ASTN2: variants seen among roughly 807,000 people sequenced by gnomAD.
ASTN2 encodes the protein astrotactin-2.
In ASTN2, 54 loss-of-function variants were observed where a neutral mutation model predicts 139.8. The observed-to-expected ratio is 0.39, with a 90% CI of 0.31 to 0.48. The LOEUF is 0.48. Ranked by LOEUF, ASTN2 falls within the 20% of genes least tolerant of loss-of-function variation. ASTN2 has a pLI of 0.95. For synonymous variants in ASTN2, 756 were observed against 719.5 expected (o/e 1.05, Z -0.81); for missense variants, 1,565 against 1,725.1 (o/e 0.91, Z 1.64).
chr9:117,375,176 C>A (rs181946108), intron 1 of ASTN2, among the ~76,000 whole-genome samples: 1 of 152,348 alleles, frequency 6.6e-6, no homozygotes, highest in African/African-American at 2.4e-5. Flanking sequence ...GGGAAGAGTC[C>A]TTGGCCTGCC....
chr9:116,456,718 C>T (rs532705780), intron 20 of ASTN2, among the ~76,000 whole-genome samples: 4 of 152,160 alleles, frequency 2.6e-5, no homozygotes, highest in African/African-American at 9.7e-5. Context: ...GAGAACAGCA[C>T]ACGAAAGAAT....
intron 19 of ASTN2, among the ~76,000 whole-genome samples, chr9:116,504,106 A>G (rs992925252): frequency 5.3e-5 from 8 of 152,236 alleles, no homozygotes; most frequent in Admixed American, 5.2e-4. Flanking sequence ...CTGCTAGCCT[A>G]TAGGGTGCCT....
At chr9:116,998,563 A>ATCCATCCATCCG (rs1387676301) in intron 7 of ASTN2, among the ~76,000 whole-genome samples, 3 of 151,988 alleles carry the variant, frequency 2.0e-5, no homozygotes, top group Admixed American at 2.0e-4. Context: ...CCATCCATCC[A>ATCCATCCATCCG]TCCATCCATA....
intron 5 of ASTN2, among the ~76,000 whole-genome samples, chr9:117,045,971 TGTATGTATGTACGTACGTAC>T (rs1308782146): frequency 3.3e-4 from 36 of 110,622 alleles, no homozygotes; most frequent in African/African-American, 1.1e-3. Flanking sequence ...TATGTATGTA[TGTATGTATGTACGTACGTAC>T]GTATGTATGT....
rs1180939705 is a variant in ASTN2 at position 116,698,926 on chromosome 9, T to TA, written c.2806+26844dup. The TA allele has an allele frequency of 3.1e-6, 5 of 1,614,106 alleles. No individual in the cohort carries two copies. Among genetic ancestry groups the TA allele is most frequent in the Non-Finnish European group, 4.2e-6 (5 of 1,180,050 alleles). The stretch of plus-strand genomic sequence containing the variant: ...GTCGCTGACCGTGGTAACTATCGTA[T>TA]ACAAGTCTTTACCCGCAAAGGCTTT... On this transcript the variant is annotated intron_variant, in intron 16 of 22. Transcript: ENST00000313400. This position sits in a 1 kb window ranked among gnomAD's most constrained non-coding sequence, Gnocchi z 4.4.
chr9:116,693,589 G>A (rs1029102465), intron 16 of ASTN2, among the ~76,000 whole-genome samples: 2 of 151,836 alleles, frequency 1.3e-5, no homozygotes, highest in African/African-American at 2.4e-5. Flanking sequence ...GTGGGAAGAT[G>A]GTAGGCTGAT....
chr9:116,649,789 GC>G (rs1475890545), intron 17 of ASTN2, among the ~76,000 whole-genome samples: 2 of 152,014 alleles, frequency 1.3e-5, no homozygotes, highest in Non-Finnish European at 2.9e-5. Context: ...AATCCCATCA[GC>G]CTCCTGCCAA....
At chr9:117,038,692 T>A (rs1001084428) in intron 6 of ASTN2, among the ~76,000 whole-genome samples, 6 of 152,214 alleles carry the variant, frequency 3.9e-5, no homozygotes, top group Non-Finnish European at 8.8e-5. Flanking sequence ...GTATGCCTTC[T>A]TTATTATAAT....
At chr9:116,946,166 C>T (rs569938965) in intron 10 of ASTN2, among the ~76,000 whole-genome samples, 11 of 152,316 alleles carry the variant, frequency 7.2e-5, no homozygotes, top group Non-Finnish European at 1.2e-4. Context: ...TTGGGGATTA[C>T]AATTTGAGAT....
At chr9:116,687,835 T>C (rs1216254905) in intron 16 of ASTN2, among the ~76,000 whole-genome samples, 1 of 151,558 alleles carries the variant, frequency 6.6e-6, no homozygotes, top group Non-Finnish European at 1.5e-5. Flanking sequence ...GGACAGGGTC[T>C]GAGATGATAG....
chr9:116,484,017 C>A (rs557296839), intron 20 of ASTN2, among the ~76,000 whole-genome samples: 1 of 152,148 alleles, frequency 6.6e-6, no homozygotes, highest in Non-Finnish European at 1.5e-5. Flanking sequence ...CTTCTGAGAC[C>A]TCTCTCCTCT....
At chr9:116,923,133 T>C (rs1834660307) in intron 10 of ASTN2, among the ~76,000 whole-genome samples, 1 of 152,198 alleles carries the variant, frequency 6.6e-6, no homozygotes, top group Non-Finnish European at 1.5e-5. Context: ...CCTTGTCCCC[T>C]TCTTTCCAAG....
chr9:116,691,575 G>A (rs1860567309), intron 16 of ASTN2, among the ~76,000 whole-genome samples: 2 of 152,174 alleles, frequency 1.3e-5, no homozygotes, highest in Admixed American at 1.3e-4. Flanking sequence ...CTTCCTTCTG[G>A]ATCGTTTTGT....
chr9:116,876,719 T>A (rs764272531), intron 10 of ASTN2, among the ~76,000 whole-genome samples: 38 of 152,240 alleles, frequency 2.5e-4, no homozygotes, highest in Non-Finnish European at 5.0e-4. Context: ...CACTGAAGAT[T>A]CAGATGACCA....
At chr9:117,392,163 A>T (rs1463340325) in intron 1 of ASTN2, among the ~76,000 whole-genome samples, 1 of 152,212 alleles carries the variant, frequency 6.6e-6, no homozygotes, top group Non-Finnish European at 1.5e-5. Context: ...TAAGAGCAAG[A>T]CAGAATCTGA....
At chr9:116,864,899 T>G (rs1832977516) in intron 10 of ASTN2, among the ~76,000 whole-genome samples, 1 of 152,188 alleles carries the variant, frequency 6.6e-6, no homozygotes, top group South Asian at 2.1e-4. Flanking sequence ...TGACTGTCAG[T>G]GAACTTGGTA....
At chr9:117,191,981 T>C (rs1831361305) in intron 3 of ASTN2, among the ~76,000 whole-genome samples, 1 of 152,214 alleles carries the variant, frequency 6.6e-6, no homozygotes, top group African/African-American at 2.4e-5. Context: ...GTTCAGAGCA[T>C]GCCCGTTTGT....
At chr9:116,757,153 C>T (rs1053913082) in intron 13 of ASTN2, among the ~76,000 whole-genome samples, 4 of 152,118 alleles carry the variant, frequency 2.6e-5, no homozygotes, top group African/African-American at 9.7e-5. Flanking sequence ...GCAGGTGGTG[C>T]GAAGTTGTGA....
At chr9:117,109,710 C>G (rs1384100863) in intron 4 of ASTN2, among the ~76,000 whole-genome samples, 7 of 152,120 alleles carry the variant, frequency 4.6e-5, no homozygotes, top group Admixed American at 6.6e-5. Context: ...TCCAATAGGA[C>G]AACTATTTTC....
Sources: gnomAD v4.1 joint callset for allele counts (sites outside exome capture counted in the v4.1 genomes callset) on GRCh38, gnomAD v4.1.1 for gene constraint, Gnocchi (gnomAD v3.1) non-coding constraint, MANE v1.5 for transcripts, NCBI Gene and HGNC (gene_info 2026-07-23, HGNC 2026-07-21) for gene names.